MTMR3: variants seen among roughly 807,000 people sequenced by gnomAD.
MTMR3 encodes myotubularin related protein 3, also known as phosphatidylinositol-3,5-bisphosphate 3-phosphatase MTMR3.
MTMR3 carries 32 observed loss-of-function variants against 132.4 expected under a neutral mutation model. That is an observed-to-expected ratio of 0.24 (90% CI 0.18 to 0.32). MTMR3 has a LOEUF of 0.32. Among genes scored for constraint, MTMR3 ranks in the 10% least tolerant of loss-of-function variants. MTMR3 has a pLI of 1.00. For synonymous variants in MTMR3, 556 were observed against 550.3 expected (o/e 1.01, Z -0.14); for missense variants, 1,216 against 1,489.6 (o/e 0.82, Z 3.02).
chr22:29,988,606 T>C, intron 6 of MTMR3, 44 bp downstream of exon 6: 1 of 1,455,524 alleles, frequency 6.9e-7, no homozygotes, highest in African/African-American at 1.4e-5. Flanking sequence ...GTGTGGAAAA[T>C]ATTTTTTAAA....
chr22:29,959,042 A>G (rs1320653428), intron 2 of MTMR3, among the ~76,000 whole-genome samples: 2 of 152,190 alleles, frequency 1.3e-5, no homozygotes, highest in Non-Finnish European at 2.9e-5. Context: ...GTATTACTTG[A>G]GGTATTCTTT....
intron 1 of MTMR3, among the ~76,000 whole-genome samples, chr22:29,948,182 T>C (rs12166755): frequency 0.1 from 15,930 of 152,248 alleles, 868 homozygotes; most frequent in Middle Eastern, 0.14. Flanking sequence ...CAGTTTTCAA[T>C]TGTGATGACA....
At position 29,988,544 on chromosome 22, in the gene MTMR3, A is replaced by G. The variant is rs1569037892; in HGVS notation, c.275A>G (p.Lys92Arg). Residue 92 changes from lysine (K) to arginine (R), a missense_variant, in exon 6 of 20, where the codon AAA becomes AGA. By Grantham distance (26) the Lys-to-Arg change is conservative (BLOSUM62 2). Coordinates refer to ENST00000401950, the MANE Select transcript of MTMR3 (RefSeq NM_021090.4). The part of the protein sequence containing the change: ...RDIFQLHLTC[K>R]DCKVIRCQFS... ...ATATTTCAGCTTCATTTGACTTGCA[A>G]AGACTGCAAAGTTATCAGGTATGTG... The G allele has an allele frequency of 1.7e-5, 28 of 1,612,116 alleles. No homozygotes were observed. The highest frequency in any genetic ancestry group is 2.1e-5 in the Non-Finnish European group (25 of 1,178,590).
chr22:29,928,361 G>A (rs1428239477), intron 1 of MTMR3, among the ~76,000 whole-genome samples: 1 of 151,632 alleles, frequency 6.6e-6, no homozygotes, highest in Non-Finnish European at 1.5e-5. Flanking sequence ...TAGTAGAGAC[G>A]GGGTTTCATC....
chr22:29,981,832 A>C (rs111827304), intron 5 of MTMR3: 1 of 91,752 alleles, frequency 1.1e-5, no homozygotes, highest in African/African-American at 5.3e-5. Flanking sequence ...AAAAAAAAGG[A>C]AAAAAAAAAA....
At chr22:29,894,536 G>GTA (rs911988162) in intron 1 of MTMR3, among the ~76,000 whole-genome samples, 1 of 141,816 alleles carries the variant, frequency 7.1e-6, no homozygotes, top group African/African-American at 2.6e-5. Context: ...GTGTGTGTGT[G>GTA]TTGTGGTATG....
At chr22:29,898,062 G>A (rs1198007949) in intron 1 of MTMR3, among the ~76,000 whole-genome samples, 1 of 151,656 alleles carries the variant, frequency 6.6e-6, no homozygotes, top group African/African-American at 2.4e-5. Flanking sequence ...TGCAACTTCC[G>A]TCTCCCAGGT....
intron 2 of MTMR3, among the ~76,000 whole-genome samples, chr22:29,969,102 C>G (rs2066483048): frequency 6.6e-6 from 1 of 152,194 alleles, no homozygotes; most frequent in African/African-American, 2.4e-5. Context: ...TCTGGTTTAA[C>G]TAGCACTTTA....
intron 2 of MTMR3, among the ~76,000 whole-genome samples, chr22:29,967,282 A>G (rs1416236503): frequency 6.6e-6 from 1 of 150,696 alleles, no homozygotes; most frequent in Non-Finnish European, 1.5e-5. Context: ...TTGCTCTGTC[A>G]CTCAGGCTGG....
At chr22:30,022,525 C>G (rs1489835908) in intron 18 of MTMR3, 84 bp from the exon 19 acceptor site, 5 of 1,210,010 alleles carry the variant, frequency 4.1e-6, no homozygotes, top group Non-Finnish European at 6.1e-6. Context: ...GTCCTTGTGA[C>G]TCTTGCTGCC....
At chr22:29,909,436 T>C (rs1160199104) in intron 1 of MTMR3, among the ~76,000 whole-genome samples, 4 of 152,190 alleles carry the variant, frequency 2.6e-5, no homozygotes, top group Non-Finnish European at 5.9e-5. Context: ...TAATTTCTTA[T>C]ATGGTTTAAA....
At chr22:29,895,053 C>A (rs1009348266) in intron 1 of MTMR3, among the ~76,000 whole-genome samples, 2 of 152,032 alleles carry the variant, frequency 1.3e-5, no homozygotes, top group African/African-American at 4.8e-5. Context: ...ACTAAAAATA[C>A]AAAAATTAAC....
intron 1 of MTMR3, 86 bp from the exon 2 acceptor site, chr22:29,956,950 A>G (rs2066205177): frequency 1.3e-5 from 2 of 152,312 alleles, no homozygotes. Context: ...TGACTGGTAG[A>G]GAAAGGTCTT....
intron 8 of MTMR3, chr22:30,000,498 C>A (rs1206415575): frequency 6.6e-5 from 10 of 151,590 alleles, no homozygotes; most frequent in African/African-American, 2.2e-4. Flanking sequence ...ATATATATAT[C>A]CTTCTCCTAC....
At chr22:29,931,728 T>A (rs980449953) in intron 1 of MTMR3, among the ~76,000 whole-genome samples, 2 of 150,844 alleles carry the variant, frequency 1.3e-5, no homozygotes, top group African/African-American at 4.9e-5. Context: ...AGCTATGTTT[T>A]AAAAAAATAA....
intron 1 of MTMR3, among the ~76,000 whole-genome samples, chr22:29,921,299 C>T (rs113424604): frequency 3.3e-5 from 5 of 152,164 alleles, no homozygotes; most frequent in African/African-American, 9.6e-5. Flanking sequence ...CCAGTTCTCA[C>T]GTGAACTAAT....
chr22:30,007,631 C>T (rs576045782), intron 10 of MTMR3: 1 of 559,152 alleles, frequency 1.8e-6, no homozygotes, highest in East Asian at 3.1e-5. Context: ...CATGAAAGGA[C>T]AACAGATACA....
intron 1 of MTMR3, among the ~76,000 whole-genome samples, chr22:29,907,251 A>T (rs1172021520): frequency 2.0e-5 from 3 of 151,618 alleles, no homozygotes; most frequent in African/African-American, 7.3e-5. Flanking sequence ...AAATACAAAA[A>T]ATTAGCCGGG....
intron 1 of MTMR3, among the ~76,000 whole-genome samples, chr22:29,916,130 T>C (rs1019987243): frequency 2.0e-5 from 3 of 152,346 alleles, no homozygotes; most frequent in South Asian, 2.1e-4. Context: ...TTTAAAGCTT[T>C]GTTCATCTGG....
Sources: allele counts gnomAD v4.1 joint callset (sites outside exome capture counted in the v4.1 genomes callset), GRCh38; gene constraint gnomAD v4.1.1; transcripts MANE v1.5; gene names NCBI Gene and HGNC (gene_info 2026-07-23, HGNC 2026-07-21).